The following DIRAS2 variants were observed in gnomAD, a reference collection of about 807,000 sequenced individuals.
DIRAS2 encodes DIRAS family GTPase 2, also known as GTP-binding protein Di-Ras2.
Under a neutral mutation model 13.9 loss-of-function variants are expected in DIRAS2, and 5 were observed. The ratio of observed to expected loss-of-function variants is 0.36; its 90% CI spans 0.19 to 0.76. The LOEUF (loss-of-function observed/expected upper bound fraction) is 0.76, where lower values mean the gene tolerates loss of function less well. DIRAS2 is among the 30% of genes least tolerant of loss of function. DIRAS2 has a pLI of 0.53. For missense variants in DIRAS2, 191 were observed against 263.0 expected (o/e 0.73, Z 1.89); for synonymous variants, 111 against 105.4 (o/e 1.05, Z -0.33).
At chr9:90,623,766 A>G (rs2118558080) in intron 1 of DIRAS2, among the ~76,000 whole-genome samples, 1 of 152,308 alleles carries the variant, frequency 6.6e-6, no homozygotes, top group East Asian at 1.9e-4. Flanking sequence ...GGAGCTGGGC[A>G]TGGTGACACA....
At chr9:90,636,598 A>T (rs1052130182) in intron 1 of DIRAS2, among the ~76,000 whole-genome samples, 27 of 152,216 alleles carry the variant, frequency 1.8e-4, no homozygotes, top group Non-Finnish European at 2.8e-4. Context: ...ATCACCAGAA[A>T]TGGTCTCTTG....
chr9:90,618,774 T>A (rs56078843), intron 1 of DIRAS2, among the ~76,000 whole-genome samples: 1 of 152,260 alleles, frequency 6.6e-6, no homozygotes. Flanking sequence ...TTATTGACTA[T>A]ATTTAATAGT....
intron 1 of DIRAS2, among the ~76,000 whole-genome samples, chr9:90,641,389 T>C (rs1453320081): frequency 6.6e-6 from 1 of 152,206 alleles, no homozygotes; most frequent in East Asian, 1.9e-4. Flanking sequence ...TCCTTTCTCC[T>C]TCCTTTCCCT....
At chr9:90,636,389 G>A (rs1011479872) in intron 1 of DIRAS2, among the ~76,000 whole-genome samples, 1 of 152,112 alleles carries the variant, frequency 6.6e-6, no homozygotes, top group South Asian at 2.1e-4. Context: ...TATGGTGCCC[G>A]GCCCTGAATA....
intron 1 of DIRAS2, among the ~76,000 whole-genome samples, chr9:90,640,355 T>C (rs1825407988): frequency 6.6e-6 from 1 of 152,206 alleles, no homozygotes; most frequent in African/African-American, 2.4e-5. Context: ...TTTTATTACT[T>C]CATAGAGTCC....
In DIRAS2 at chr9:90,613,960, A is replaced by T; in HGVS notation, c.-36-97T>A. 1 of 1,182,776 alleles carries T rather than the reference A, an allele frequency of 8.5e-7. No individual in the cohort carries two copies. The highest frequency in any genetic ancestry group is 1.5e-5 in the African/African-American group (1 of 64,566). The allele number at this position is 1,182,776 out of a possible 1,614,324, so 73.3% of individuals were successfully genotyped here. On this transcript the variant is annotated intron_variant, in intron 1 of 1. Coordinates refer to ENST00000375765, the MANE Select transcript of DIRAS2 (RefSeq NM_017594.5). The surrounding 1 kb of genome is among the most constrained non-coding windows in gnomAD (Gnocchi z 5.6). ...CCTCTTTTGATAGCTTAAAAATGGG[A>T]GGTGATAACATTTAAAATAGCGACA... is the stretch of plus-strand genomic sequence containing the variant.
chr9:90,637,412 A>T lies in DIRAS2; in HGVS notation c.-37+5340T>A, dbSNP rs184798939. Among the ~76,000 whole-genome samples, 419 of 152,326 alleles carry T rather than the reference A, an allele frequency of 2.8e-3. 5 individuals carry two copies. The highest frequency in any genetic ancestry group is 9.4e-3 in the African/African-American group (391 of 41,560). ...GCCTATCTGTAGAGAAAACTCCTGT[A>T]AATGGAACTGCAGAATCAAACGGTA... is the stretch of plus-strand genomic sequence containing the variant. On this transcript the variant is annotated intron_variant, in intron 1 of 1. Coordinates refer to ENST00000375765, the MANE Select transcript of DIRAS2 (RefSeq NM_017594.5).
At chr9:90,623,770 T>G (rs1468022674) in intron 1 of DIRAS2, among the ~76,000 whole-genome samples, 1 of 152,188 alleles carries the variant, frequency 6.6e-6, no homozygotes, top group Non-Finnish European at 1.5e-5. Context: ...CTGGGCATGG[T>G]GACACACACC....
chr9:90,625,674 A>G (rs542968540), intron 1 of DIRAS2, among the ~76,000 whole-genome samples: 97 of 152,314 alleles, frequency 6.4e-4, no homozygotes, highest in African/African-American at 2.3e-3. Flanking sequence ...CCATTGCTCT[A>G]TATGTCTGTG....
intron 1 of DIRAS2, among the ~76,000 whole-genome samples, chr9:90,633,919 G>A (rs1210137058): frequency 6.6e-6 from 1 of 152,202 alleles, no homozygotes; most frequent in African/African-American, 2.4e-5. Flanking sequence ...TGAATCAAAG[G>A]AAAGATTTGA....
chr9:90,626,493 T>C (rs1416292486), intron 1 of DIRAS2, among the ~76,000 whole-genome samples: 2 of 147,388 alleles, frequency 1.4e-5, no homozygotes, highest in African/African-American at 5.0e-5. Context: ...CTCTATAGAA[T>C]ACATACAAAT....
intron 1 of DIRAS2, among the ~76,000 whole-genome samples, chr9:90,631,526 G>A (rs1320713715): frequency 6.6e-6 from 1 of 152,176 alleles, no homozygotes; most frequent in Non-Finnish European, 1.5e-5. Context: ...GAAGTCTCCA[G>A]CAACAATCTT....
intron 1 of DIRAS2, among the ~76,000 whole-genome samples, chr9:90,623,054 G>T: frequency 6.6e-6 from 1 of 152,070 alleles, no homozygotes; most frequent in East Asian, 1.9e-4. Context: ...TTTCATAGAA[G>T]TAGTTTCTTA....
intron 1 of DIRAS2, among the ~76,000 whole-genome samples, chr9:90,630,823 C>T (rs979233491): frequency 6.6e-6 from 1 of 152,124 alleles, no homozygotes; most frequent in Non-Finnish European, 1.5e-5. Flanking sequence ...GTGAGAGACA[C>T]AGTACCTGCT....
intron 1 of DIRAS2, among the ~76,000 whole-genome samples, chr9:90,626,857 T>C (rs1039611098): frequency 1.3e-5 from 2 of 152,116 alleles, no homozygotes; most frequent in Non-Finnish European, 2.9e-5. Context: ...GCAACCCAAA[T>C]GTCCATAGAA....
rs79781968 is a variant in DIRAS2, at chr9:90,627,822, T to A, written c.-36-13959A>T. ...TGTTAGCTAGGCAGACAGCTCCTCC[T>A]TATTCATCCACACTATACAGTAAAA... is the stretch of plus-strand genomic sequence containing the variant. On this transcript the variant is annotated intron_variant, in intron 1 of 1. Coordinates refer to ENST00000375765, the MANE Select transcript of DIRAS2 (RefSeq NM_017594.5). Among the ~76,000 whole-genome samples the A allele has an allele frequency of 9.4e-3, 1,429 of 152,268 alleles. 16 individuals are homozygous for A. The highest frequency in any genetic ancestry group is 0.016 in the Non-Finnish European group (1,072 of 68,012).
At chr9:90,629,073 C>G (rs947009251) in intron 1 of DIRAS2, among the ~76,000 whole-genome samples, 2 of 152,154 alleles carry the variant, frequency 1.3e-5, no homozygotes, top group Admixed American at 6.5e-5. Flanking sequence ...CCAGGATGGT[C>G]TGGATCTCCT....
intron 1 of DIRAS2, among the ~76,000 whole-genome samples, chr9:90,621,646 C>G (rs1825220303): frequency 6.6e-6 from 1 of 152,198 alleles, no homozygotes; most frequent in Non-Finnish European, 1.5e-5. Context: ...CATTCAGGAG[C>G]CCCCCAGTTT....
At chr9:90,624,911 GC>G (rs920104129) in intron 1 of DIRAS2, among the ~76,000 whole-genome samples, 11 of 152,266 alleles carry the variant, frequency 7.2e-5, no homozygotes, top group African/African-American at 2.4e-4. Context: ...ATAGGTGTGA[GC>G]CCCCACACCT....
Sources: gnomAD v4.1 joint callset for allele counts (sites outside exome capture counted in the v4.1 genomes callset) on GRCh38, gnomAD v4.1.1 for gene constraint, Gnocchi (gnomAD v3.1) non-coding constraint, MANE v1.5 for transcripts, NCBI Gene and HGNC (gene_info 2026-07-23, HGNC 2026-07-21) for gene names.